The following FOXO3 variants were observed in gnomAD, a reference collection of about 807,000 sequenced individuals.
FOXO3 encodes the protein forkhead box protein O3.
Under a neutral mutation model 41.9 loss-of-function variants are expected in FOXO3, and 4 were observed. The observed-to-expected ratio is 0.10, with a 90% CI of 0.05 to 0.22. The LOEUF (loss-of-function observed/expected upper bound fraction) is 0.22. Ranked by LOEUF, FOXO3 falls within the 10% of genes least tolerant of loss-of-function variation. The probability of loss-of-function intolerance (pLI) is 1.00; values close to 1 mark genes in which losing one functional copy is unlikely to be tolerated. For synonymous variants in FOXO3, 318 were observed against 389.3 expected (o/e 0.82, Z 2.16); for missense variants, 534 against 906.8 (o/e 0.59, Z 5.28).
At chr6:108,636,546 A>T (rs1007538831) in intron 1 of FOXO3, among the ~76,000 whole-genome samples, 1 of 152,140 alleles carries the variant, frequency 6.6e-6, no homozygotes, top group Non-Finnish European at 1.5e-5. Flanking sequence ...TTCAGCACTC[A>T]CATGCTAGTA....
intron 1 of FOXO3, among the ~76,000 whole-genome samples, chr6:108,595,473 A>G (rs1776855241): frequency 6.6e-6 from 1 of 152,240 alleles, no homozygotes; most frequent in South Asian, 2.1e-4. Flanking sequence ...ATAACTCGGC[A>G]AAGGTACTGG....
At chr6:108,592,175 A>G (rs1310896941) in intron 1 of FOXO3, among the ~76,000 whole-genome samples, 1 of 152,240 alleles carries the variant, frequency 6.6e-6, no homozygotes, top group Non-Finnish European at 1.5e-5. Flanking sequence ...TCAGGGAAAT[A>G]TGAAATGTTT....
intron 1 of FOXO3, among the ~76,000 whole-genome samples, chr6:108,616,147 C>G (rs903955665): frequency 6.8e-6 from 1 of 147,578 alleles, no homozygotes; most frequent in East Asian, 2.0e-4. Context: ...GCCATCACGC[C>G]CAACTAAGGT....
intron 2 of FOXO3, among the ~76,000 whole-genome samples, chr6:108,677,012 T>A (rs970188952): frequency 4.6e-5 from 7 of 152,256 alleles, no homozygotes; most frequent in Admixed American, 3.9e-4. Flanking sequence ...CTTTCTGTTC[T>A]CTGGAGTGGG....
intron 1 of FOXO3, among the ~76,000 whole-genome samples, chr6:108,589,162 C>T (rs1228692213): frequency 6.6e-6 from 1 of 152,176 alleles, no homozygotes; most frequent in African/African-American, 2.4e-5. Flanking sequence ...TCCAGTTTTA[C>T]TTAACTTCAG....
At chr6:108,644,560 C>T (rs1778344295) in intron 1 of FOXO3, among the ~76,000 whole-genome samples, 1 of 152,142 alleles carries the variant, frequency 6.6e-6, no homozygotes, top group Non-Finnish European at 1.5e-5. Context: ...CGCCACACTC[C>T]CCTCCTGTCT....
chr6:108,575,774 A>G (rs547301509), intron 1 of FOXO3, among the ~76,000 whole-genome samples: 1 of 152,360 alleles, frequency 6.6e-6, no homozygotes, highest in Non-Finnish European at 1.5e-5. Flanking sequence ...CATTAACAGT[A>G]TTAATGTGCC....
intron 1 of FOXO3, among the ~76,000 whole-genome samples, chr6:108,605,144 A>T (rs1777160422): frequency 6.6e-6 from 1 of 151,818 alleles, no homozygotes; most frequent in South Asian, 2.1e-4. Context: ...CCTGAGACGG[A>T]GTCTCATTCT....
At chr6:108,633,420 A>T (rs1582798539) in intron 1 of FOXO3, among the ~76,000 whole-genome samples, 1 of 152,164 alleles carries the variant, frequency 6.6e-6, no homozygotes, top group South Asian at 2.1e-4. Context: ...TATGTTTATT[A>T]TCAAGAATGT....
chr6:108,600,929 T>G (rs147518578), intron 1 of FOXO3, among the ~76,000 whole-genome samples: 3 of 152,362 alleles, frequency 2.0e-5, no homozygotes, highest in African/African-American at 7.2e-5. Flanking sequence ...ATTGCAAAAC[T>G]GTAGTTCACA....
chr6:108,592,488 A>G (rs1376106038), intron 1 of FOXO3, among the ~76,000 whole-genome samples: 2 of 152,162 alleles, frequency 1.3e-5, no homozygotes, highest in Non-Finnish European at 2.9e-5. Context: ...CCTTCCTCCT[A>G]GCTCCATGAT....
chr6:108,597,233 G>A (rs1776911456), intron 1 of FOXO3, among the ~76,000 whole-genome samples: 1 of 152,198 alleles, frequency 6.6e-6, no homozygotes. Context: ...GAGAAAGAGA[G>A]CCAGACCTAA....
At chr6:108,643,761 A>G (rs941230189) in intron 1 of FOXO3, among the ~76,000 whole-genome samples, 2 of 152,222 alleles carry the variant, frequency 1.3e-5, no homozygotes, top group Non-Finnish European at 2.9e-5. Flanking sequence ...GCTATCGTCC[A>G]GAGCTGAACT....
intron 1 of FOXO3, among the ~76,000 whole-genome samples, chr6:108,582,429 C>T (rs1287066488): frequency 6.6e-6 from 1 of 152,228 alleles, no homozygotes; most frequent in Non-Finnish European, 1.5e-5. Context: ...TCCCTTTGCT[C>T]AGTCCAGACC....
intron 1 of FOXO3, chr6:108,618,244 G>T (rs1229679983): frequency 6.3e-6 from 5 of 793,102 alleles, no homozygotes; most frequent in Admixed American, 5.1e-5. Context: ...TAATATGATT[G>T]TTCTTAGTCT....
chr6:108,621,463 C>G (rs1336266701), intron 1 of FOXO3, among the ~76,000 whole-genome samples: 1 of 152,178 alleles, frequency 6.6e-6, no homozygotes, highest in East Asian at 1.9e-4. Context: ...AAGAAAGAAT[C>G]AAGTATGTGT....
intron 1 of FOXO3, among the ~76,000 whole-genome samples, chr6:108,654,964 C>T (rs1434342183): frequency 2.0e-5 from 3 of 152,152 alleles, no homozygotes; most frequent in South Asian, 2.1e-4. Flanking sequence ...ACTTTCTGCA[C>T]CTGCTTTTGA....
rs1165560090 is a variant in FOXO3 at position 108,561,533 on chromosome 6, G to A, written c.325G>A (p.Gly109Arg). The change falls in exon 1 of 3, where the codon GGG (glycine) becomes AGG (arginine). Residue 109 changes from glycine (G) to arginine (R), a missense_variant. Physicochemically the swap from Gly to Arg is moderately radical, Grantham distance 125. Transcript: ENST00000406360. ...GCTGGCACCCGGAGGGCAAGACCCC[G>A]GGTCTGGGCCAGCCACCGCGGCGGG... ...RVLAPGGQDP[G>R]SGPATAAGGL... is the part of the protein sequence containing the mutation. 7.0e-7 allele frequency: 1 copy of A among 1,436,798 alleles called. No individual in the cohort carries two copies. The highest frequency in any genetic ancestry group is 1.5e-5 in the African/African-American group (1 of 67,100). The allele number at this position is 1,436,798 out of a possible 1,614,324, so 89.0% of individuals were successfully genotyped here.
chr6:108,668,370 T>C (rs1273181089), intron 2 of FOXO3, among the ~76,000 whole-genome samples: 1 of 152,182 alleles, frequency 6.6e-6, no homozygotes, highest in Non-Finnish European at 1.5e-5. Flanking sequence ...CATACTTTTT[T>C]GGAGGGCTGG....
Sources: allele counts gnomAD v4.1 joint callset (sites outside exome capture counted in the v4.1 genomes callset), GRCh38; gene constraint gnomAD v4.1.1; transcripts MANE v1.5; gene names NCBI Gene and HGNC (gene_info 2026-07-23, HGNC 2026-07-21).